MPHOSPH9: variants seen among roughly 807,000 people sequenced by gnomAD.
MPHOSPH9 encodes M-phase phosphoprotein 9.
MPHOSPH9 carries 88 observed loss-of-function variants against 145.5 expected under a neutral mutation model. The ratio of observed to expected loss-of-function variants is 0.60; its 90% confidence interval spans 0.51 to 0.72. The LOEUF is 0.72. Ranked by LOEUF, MPHOSPH9 falls within the 30% of genes least tolerant of loss-of-function variation. The probability of loss-of-function intolerance (pLI) is 0.00; values close to 1 mark genes in which losing one functional copy is unlikely to be tolerated. For missense variants in MPHOSPH9, 1,238 were observed against 1,386.6 expected, an observed-to-expected ratio of 0.89 and a Z score of 1.70; for synonymous variants, 435 against 486.2, an observed-to-expected ratio of 0.89 and a Z score of 1.39.
At chr12:123,164,552 T>C (rs1439805553) in intron 18 of MPHOSPH9, among the ~76,000 whole-genome samples, 2 of 152,194 alleles carry the variant, frequency 1.3e-5, no homozygotes, top group Non-Finnish European at 2.9e-5. Context: ...AGACACTACT[T>C]GCCTTATCTA....
chr12:123,191,187 G>A (rs1027186898), intron 13 of MPHOSPH9, among the ~76,000 whole-genome samples: 4 of 152,042 alleles, frequency 2.6e-5, no homozygotes, highest in African/African-American at 7.2e-5. Context: ...CGGGCATGGT[G>A]GCACATGCCT....
Position 123,166,805 on chromosome 12 carries a change from C to T in MPHOSPH9, c.2457-16G>A, listed in dbSNP as rs761046286. 1.1e-5 allele frequency: 17 copies of T among 1,608,592 alleles called. No homozygotes were observed. The highest frequency in any genetic ancestry group is 8.9e-5 in the South Asian group (8 of 90,270). On this transcript the variant is annotated splice_polypyrimidine_tract_variant and intron_variant, in intron 16 of 23. Transcript: ENST00000606320. ...TGCTAGTGTGCTATTAGAATGAAAA[C>T]GGTCAGGCATTATAAAGGTCTGCAC... is the stretch of plus-strand genomic sequence containing the variant.
intron 3 of MPHOSPH9, among the ~76,000 whole-genome samples, chr12:123,227,032 T>G (rs963237461): frequency 6.6e-6 from 1 of 152,236 alleles, no homozygotes; most frequent in African/African-American, 2.4e-5. Context: ...TAATGCAATG[T>G]ATCACAGCTG....
chr12:123,226,358 A>G, intron 3 of MPHOSPH9: 1 of 1,174,258 alleles, frequency 8.5e-7, no homozygotes, highest in Non-Finnish European at 1.1e-6. Flanking sequence ...CATTCTGAAA[A>G]ATAACACAAA....
chr12:123,220,102 G>A (rs942005245), intron 5 of MPHOSPH9, among the ~76,000 whole-genome samples: 1 of 152,042 alleles, frequency 6.6e-6, no homozygotes, highest in Admixed American at 6.6e-5. Context: ...GCTGAGGCAG[G>A]AGAATCATAT....
chr12:123,199,212 C>G (rs1306092815), intron 11 of MPHOSPH9, among the ~76,000 whole-genome samples: 1 of 152,060 alleles, frequency 6.6e-6, no homozygotes, highest in Non-Finnish European at 1.5e-5. Flanking sequence ...GTCTCAAACT[C>G]CTGGACTCAT....
chr12:123,183,571 G>A lies in MPHOSPH9; in HGVS notation c.2242-2361C>T, dbSNP rs199571691. On this transcript the variant is annotated intron_variant, in intron 13 of 23. Coordinates refer to ENST00000606320, the MANE Select transcript of MPHOSPH9 (RefSeq NM_022782.4). ...TCAAAAAAAAAAAAAAAAAAAAAAA[G>A]AAAAAGGAAAAAAGTGCCTTAGCAG... is the stretch of plus-strand genomic sequence containing the variant. Among the ~76,000 whole-genome samples the A allele has an allele frequency of 9.2e-3, 970 of 104,950 alleles. 67 individuals are homozygous for A. The East Asian group carries it at 0.16, about 18-fold the overall frequency. 68.9% of individuals were successfully genotyped at this position (104,950 alleles called of 152,430 possible).
rs2046275490 is a variant in MPHOSPH9 at position 123,202,723 on chromosome 12, G to A, written c.1682C>T (p.Ala561Val). 6.2e-7 allele frequency: 1 copy of A among 1,614,076 alleles called. No individual in the cohort carries two copies. The highest frequency in any genetic ancestry group is 8.5e-7 in the Non-Finnish European group (1 of 1,180,040). ...TVDEENTVMV[A>V]SASVSQSQLP... ...CTGGGACTGACTGACTGAGGCCGAA[G>A]CAACCATGACAGTGTTTTCTTCATC... The change falls in exon 10 of 24, where the codon GCT becomes GTT. Residue 561 changes from alanine to valine, a missense_variant. By Grantham distance (64) the Ala-to-Val change is moderately conservative. Transcript: ENST00000606320.
intron 3 of MPHOSPH9, among the ~76,000 whole-genome samples, chr12:123,224,728 A>G (rs1345514158): frequency 6.6e-6 from 1 of 152,226 alleles, no homozygotes; most frequent in Non-Finnish European, 1.5e-5. Flanking sequence ...TCCTGTGTCC[A>G]TTTTATGTTA....
At chr12:123,201,926 C>T (rs1171637571) in intron 11 of MPHOSPH9, among the ~76,000 whole-genome samples, 1 of 152,106 alleles carries the variant, frequency 6.6e-6, no homozygotes, top group Admixed American at 6.6e-5. Flanking sequence ...AATGACATTA[C>T]TCTGCATATA....
chr12:123,214,724 T>A lies in MPHOSPH9; in HGVS notation c.1087+20A>T. On this transcript the variant is annotated intron_variant, in intron 7 of 23. Coordinates refer to ENST00000606320, the MANE Select transcript of MPHOSPH9 (RefSeq NM_022782.4). ...TGTATGTAGTTTAGGTTAAAAAAAATAAAAATGTAAGTATCATACCTGTTC... is the reference window on the plus strand; with the variant it reads ...TGTATGTAGTTTAGGTTAAAAAAAAAAAAAATGTAAGTATCATACCTGTTC... 7 of 1,576,608 alleles carry A rather than the reference T, an allele frequency of 4.4e-6. No homozygotes were observed. Among genetic ancestry groups the A allele is most frequent in the South Asian group, 1.1e-5 (1 of 88,906 alleles).
In MPHOSPH9 at chr12:123,223,059, C is replaced by T. The variant is rs1254541758; in HGVS notation, c.327G>A (p.Glu109=). ...QCQEQIVAQQ[E]QFHNQIQHIQ... Reference sequence around the variant, plus strand: ...TTACTTGAATTTGGTTGTGGAACTGCTCCTGCTGGGCAACTATCTGTTCTT... The same window carrying T: ...TTACTTGAATTTGGTTGTGGAACTGTTCCTGCTGGGCAACTATCTGTTCTT... The change falls in exon 4 of 24, where the codon GAG becomes GAA. Residue 109 remains glutamate, a synonymous_variant. Coordinates refer to ENST00000606320, the MANE Select transcript of MPHOSPH9 (RefSeq NM_022782.4). 4.0e-6 allele frequency: 6 copies of T among 1,516,126 alleles called. No individual in the cohort carries two copies. Among genetic ancestry groups the T allele is most frequent in the Non-Finnish European group, 5.3e-6 (6 of 1,137,784 alleles). The allele number at this position is 1,516,126 out of a possible 1,614,324, so 93.9% of individuals were successfully genotyped here.
intron 16 of MPHOSPH9, among the ~76,000 whole-genome samples, chr12:123,168,641 C>A (rs1312450224): frequency 6.6e-6 from 1 of 151,916 alleles, no homozygotes; most frequent in Non-Finnish European, 1.5e-5. Context: ...CGCACCCGGC[C>A]GGCAACATGA....
chr12:123,217,793 C>G (rs1264494135), intron 6 of MPHOSPH9, among the ~76,000 whole-genome samples: 1 of 152,044 alleles, frequency 6.6e-6, no homozygotes, highest in Non-Finnish European at 1.5e-5. Context: ...CCTATAATCC[C>G]TGCACTTTGG....
chr12:123,221,061 CG>C (rs781449963), intron 5 of MPHOSPH9, among the ~76,000 whole-genome samples: 1 of 152,046 alleles, frequency 6.6e-6, no homozygotes. Context: ...TCTCAAAAAA[CG>C]AAAAAAAATT....
intron 8 of MPHOSPH9, among the ~76,000 whole-genome samples, chr12:123,207,357 A>G (rs979555705): frequency 6.6e-6 from 1 of 151,574 alleles, no homozygotes; most frequent in Non-Finnish European, 1.5e-5. Flanking sequence ...TACCCCCCTC[A>G]TACTTCATTT....
chr12:123,178,284 T>C (rs2044972966), intron 15 of MPHOSPH9, among the ~76,000 whole-genome samples: 1 of 152,232 alleles, frequency 6.6e-6, no homozygotes, highest in Non-Finnish European at 1.5e-5. Context: ...CAAGGAAGAT[T>C]TGAGAAATAA....
chr12:123,207,969 T>A (rs184042183), intron 8 of MPHOSPH9, among the ~76,000 whole-genome samples: 1 of 151,932 alleles, frequency 6.6e-6, no homozygotes, highest in Admixed American at 6.6e-5. Flanking sequence ...GCCAGCGCAG[T>A]GGCTCACGCC....
At chr12:123,165,922 T>C (rs111455786) in intron 17 of MPHOSPH9, among the ~76,000 whole-genome samples, 4 of 152,344 alleles carry the variant, frequency 2.6e-5, no homozygotes, top group South Asian at 2.1e-4. Flanking sequence ...TTGACAATTA[T>C]ACTCCACAAT....
Sources: allele counts gnomAD v4.1 joint callset (sites outside exome capture counted in the v4.1 genomes callset), GRCh38; gene constraint gnomAD v4.1.1; transcripts MANE v1.5; gene names NCBI Gene and HGNC (gene_info 2026-07-23, HGNC 2026-07-21).